Variants in NRIP1 observed in about 807,000 individuals in gnomAD.
NRIP1 encodes nuclear receptor interacting protein 1.
Under a neutral mutation model 75.0 loss-of-function variants are expected in NRIP1, and 28 were observed. The ratio of observed to expected loss-of-function variants is 0.37; its 90% confidence interval spans 0.28 to 0.51. NRIP1 has a LOEUF of 0.51. Ranked by LOEUF, NRIP1 falls within the 20% of genes least tolerant of loss-of-function variation. The pLI is 0.92. For missense variants in NRIP1, 1,435 were observed against 1,343.7 expected (o/e 1.07, Z -1.06); for synonymous variants, 526 against 487.6 (o/e 1.08, Z -1.04).
chr21:15,006,502 T>C (rs1206757395), intron 3 of NRIP1, among the ~76,000 whole-genome samples: 2 of 152,242 alleles, frequency 1.3e-5, no homozygotes, highest in Non-Finnish European at 2.9e-5. Flanking sequence ...CAATATATGC[T>C]AAAATCAGTG....
chr21:14,980,573 A>G (rs962941604), intron 3 of NRIP1, among the ~76,000 whole-genome samples: 4 of 151,648 alleles, frequency 2.6e-5, no homozygotes, highest in African/African-American at 9.8e-5. Flanking sequence ...ACAAGATGTT[A>G]AATTTATTTT....
At chr21:14,997,144 A>G (rs902967573) in intron 3 of NRIP1, among the ~76,000 whole-genome samples, 2 of 152,140 alleles carry the variant, frequency 1.3e-5, no homozygotes, top group Non-Finnish European at 2.9e-5. Flanking sequence ...AAAATCTCTA[A>G]ATGCCAATAA....
Position 14,966,536 on chromosome 21 carries a change from T to C in NRIP1, c.1657A>G (p.Thr553Ala). The C allele has an allele frequency of 6.2e-7, 1 of 1,614,014 alleles. No individual in the cohort carries two copies. The highest frequency in any genetic ancestry group is 1.7e-5 in the Admixed American group (1 of 60,010). Reference protein sequence around the residue: ...PSTNRTTPVSTPPLLTSSKAG... With the variant: ...PSTNRTTPVSAPPLLTSSKAG... The stretch of plus-strand genomic sequence containing the variant: ...TTGCTTGATGTAAGTAAAGGTGGAG[T>C]GCTCACTGGAGTAGTCCGATTTGTA... Residue 553 changes from threonine (T) to alanine (A), a missense_variant, in exon 4 of 4, where the codon ACT becomes GCT. Transcript: ENST00000318948.
rs182019445 is a variant in NRIP1, at chr21:15,061,372, C to T, written c.-538+3373G>A. Among the ~76,000 whole-genome samples the T allele has an allele frequency of 3.3e-3, 504 of 152,236 alleles. 1 individual carries two copies. Among genetic ancestry groups the T allele is most frequent in the Non-Finnish European group, 5.3e-3 (360 of 67,994 alleles). ...AGGGAAAAGTACAAGAGTGAAGAAACTTCTCCCCACCCACAGCCAAGAAGG... is the reference window on the plus strand; with the variant it reads ...AGGGAAAAGTACAAGAGTGAAGAAATTTCTCCCCACCCACAGCCAAGAAGG... On this transcript the variant is annotated intron_variant, in intron 1 of 3. Transcript: ENST00000318948.
Position 15,025,452 on chromosome 21 carries a change from G to A in NRIP1, c.-457-10986C>T, listed in dbSNP as rs768384778. On this transcript the variant is annotated intron_variant, in intron 2 of 3. Transcript: ENST00000318948. ...CACCAAAATAAGTTACAATAGTAAC[G>A]GATTACAGCTCACTGAATAAAATAC... is the stretch of plus-strand genomic sequence containing the variant. Among the ~76,000 whole-genome samples the A allele has an allele frequency of 3.3e-5, 5 of 151,986 alleles. No individual in the cohort carries two copies. The South Asian group carries it at 6.2e-4, about 19-fold the overall frequency.
intron 2 of NRIP1, among the ~76,000 whole-genome samples, chr21:15,033,266 C>T (rs2088753616): frequency 6.6e-6 from 1 of 151,334 alleles, no homozygotes. Context: ...TGTGCCAGGA[C>T]TACGTTAAAT....
chr21:14,996,159 A>G (rs774043366), intron 3 of NRIP1, among the ~76,000 whole-genome samples: 40 of 152,234 alleles, frequency 2.6e-4, no homozygotes, highest in Non-Finnish European at 4.7e-4. Flanking sequence ...ATACCATGGT[A>G]TCAATATGAA....
chr21:15,024,380 T>TA (rs1367051641), intron 2 of NRIP1, among the ~76,000 whole-genome samples: 3 of 151,938 alleles, frequency 2.0e-5, no homozygotes, highest in Non-Finnish European at 4.4e-5. Flanking sequence ...CCGTCTCTAC[T>TA]AAAATACAAA....
intron 3 of NRIP1, among the ~76,000 whole-genome samples, chr21:14,988,438 T>TAGATAGATAGATAGATAGACAGAC (rs2147057450): frequency 6.8e-6 from 1 of 147,912 alleles, no homozygotes; most frequent in Non-Finnish European, 1.5e-5. Flanking sequence ...GATAGATAGA[T>TAGATAGATAGATAGATAGACAGAC]AGATAGATAG....
Position 15,030,006 on chromosome 21 carries a change from G to A in NRIP1, c.-458+13489C>T, listed in dbSNP as rs1486771078. ...AAACTCACCCTCTTCCCCTCAGGAG[G>A]TGAATCCCAATTAAGTAAAGCCACT... On this transcript the variant is annotated intron_variant, in intron 2 of 3. Transcript: ENST00000318948. 2.8e-4 allele frequency among the ~76,000 whole-genome samples: 43 copies of A among 152,124 alleles called. 1 individual carries two copies. Among genetic ancestry groups the A allele is most frequent in the Admixed American group, 2.8e-3 (43 of 15,254 alleles).
At chr21:15,019,368 T>C (rs1251682045) in intron 2 of NRIP1, among the ~76,000 whole-genome samples, 6 of 149,084 alleles carry the variant, frequency 4.0e-5, no homozygotes, top group Non-Finnish European at 1.5e-5. Flanking sequence ...GGTAACATGA[T>C]CTTGCTTGCC....
At chr21:15,063,716 C>T (rs926688532) in intron 1 of NRIP1, among the ~76,000 whole-genome samples, 3 of 152,206 alleles carry the variant, frequency 2.0e-5, no homozygotes, top group Middle Eastern at 3.2e-3. Context: ...CTCAGTTCCA[C>T]CAACTGGGTT....
At chr21:14,982,719 G>GTT in intron 3 of NRIP1, among the ~76,000 whole-genome samples, 1 of 130,038 alleles carries the variant, frequency 7.7e-6, no homozygotes, top group South Asian at 2.3e-4. Flanking sequence ...TTTTTTTTTT[G>GTT]TTTTTTTTTT....
chr21:15,040,030 T>G (rs1203423897), intron 2 of NRIP1, among the ~76,000 whole-genome samples: 1 of 152,074 alleles, frequency 6.6e-6, no homozygotes, highest in Non-Finnish European at 1.5e-5. Flanking sequence ...AGTCATGAAC[T>G]TGACTAAAGC....
intron 2 of NRIP1, among the ~76,000 whole-genome samples, chr21:15,019,275 A>G (rs1452442037): frequency 1.3e-5 from 2 of 149,746 alleles, no homozygotes; most frequent in Non-Finnish European, 3.0e-5. Flanking sequence ...TCTGAAGAAG[A>G]CAAGGATATC....
At chr21:15,032,816 C>T (rs1024161317) in intron 2 of NRIP1, among the ~76,000 whole-genome samples, 1 of 152,066 alleles carries the variant, frequency 6.6e-6, no homozygotes, top group African/African-American at 2.4e-5. Flanking sequence ...AAGTCTGAAG[C>T]CACAGAAGGA....
chr21:15,037,660 G>A (rs1488689048), intron 2 of NRIP1, among the ~76,000 whole-genome samples: 1 of 149,078 alleles, frequency 6.7e-6, no homozygotes, highest in African/African-American at 2.5e-5. Flanking sequence ...AAACTAGTAG[G>A]GTTCAAAAGA....
chr21:14,964,821 A>G lies in NRIP1; in HGVS notation c.3372T>C (p.Pro1124=), dbSNP rs761916365. The change falls in exon 4 of 4, where the codon CCT becomes CCC. Residue 1124 remains proline, a synonymous_variant. Coordinates refer to ENST00000318948, the MANE Select transcript of NRIP1 (RefSeq NM_003489.4). The stretch of plus-strand genomic sequence containing the variant: ...CATTATTTCCCATATGGCTATTGTA[A>G]GGGCTTCTTAAATTAAAGAAAGAAG... The part of the protein sequence containing the change: ...TKASFFNLRS[P]YNSHMGNNAS... The G allele has an allele frequency of 6.2e-7, 1 of 1,613,250 alleles. No individual in the cohort carries two copies. Among genetic ancestry groups the G allele is most frequent in the African/African-American group, 1.3e-5 (1 of 74,842 alleles).
chr21:15,009,393 C>G (rs568186077), intron 3 of NRIP1, among the ~76,000 whole-genome samples: 2 of 152,228 alleles, frequency 1.3e-5, no homozygotes, highest in South Asian at 4.2e-4. Context: ...TTAGTGGGCT[C>G]ACAATCTCAT....
Sources: allele counts gnomAD v4.1 joint callset (sites outside exome capture counted in the v4.1 genomes callset), GRCh38; gene constraint gnomAD v4.1.1; transcripts MANE v1.5; gene names NCBI Gene and HGNC (gene_info 2026-07-23, HGNC 2026-07-21).